Variants in TDRD1 observed in about 807,000 individuals in gnomAD.
TDRD1 encodes tudor domain-containing protein 1.
In TDRD1, 37 loss-of-function variants were observed where a neutral mutation model predicts 140.6. The observed-to-expected ratio is 0.26, with a 90% confidence interval of 0.20 to 0.35. The LOEUF is 0.35. Among genes scored for constraint, TDRD1 ranks in the 10% least tolerant of loss-of-function variants. TDRD1 has a pLI of 1.00. For synonymous variants in TDRD1, 506 were observed against 475.7 expected (o/e 1.06, Z -0.83); for missense variants, 1,243 against 1,393.0 (o/e 0.89, Z 1.71).
intron 10 of TDRD1, 44 bp from the exon 11 acceptor site, chr10:114,206,200 G>A (rs368572531): frequency 2.9e-6 from 4 of 1,379,282 alleles, no homozygotes; most frequent in South Asian, 1.2e-5. Context: ...ATAATTCTTT[G>A]TATAGTTTCT....
intron 1 of TDRD1, among the ~76,000 whole-genome samples, chr10:114,184,476 T>C (rs2033359664): frequency 6.6e-6 from 1 of 152,194 alleles, no homozygotes; most frequent in Non-Finnish European, 1.5e-5. Flanking sequence ...CTCAGGAATG[T>C]GTTGCAGGAA....
chr10:114,211,843 G>A lies in TDRD1; in HGVS notation c.1661-23G>A. 2.7e-6 allele frequency: 4 copies of A among 1,497,340 alleles called. No homozygotes were observed. In the African/African-American group the frequency reaches 5.8e-5, roughly 22 times the overall value. The allele number at this position is 1,497,340 out of a possible 1,614,324, so 92.8% of individuals were successfully genotyped here. On this transcript the variant is annotated intron_variant, in intron 13 of 25. Coordinates refer to ENST00000251864, the Ensembl canonical transcript of TDRD1. ...CATCTACAGTGGAAAAATCATTTGA[G>A]ATTGAGTCTCTCCCTTTTTCAGAGG...
At chr10:114,207,836 G>C (rs573692735) in intron 11 of TDRD1, among the ~76,000 whole-genome samples, 1 of 152,180 alleles carries the variant, frequency 6.6e-6, no homozygotes, top group South Asian at 2.1e-4. Flanking sequence ...AAACCACTGA[G>C]CAATATCTTC....
At chr10:114,227,327 A>C (rs2036494010) in intron 23 of TDRD1, 28 bp downstream of exon 23, 2 of 1,469,656 alleles carry the variant, frequency 1.4e-6, no homozygotes, top group East Asian at 4.6e-5. Context: ...TATTAATAAC[A>C]GATGTTAAGT....
At chr10:114,198,105 G>C (rs2034493165) in intron 3 of TDRD1, among the ~76,000 whole-genome samples, 1 of 152,188 alleles carries the variant, frequency 6.6e-6, no homozygotes, top group Non-Finnish European at 1.5e-5. Context: ...GTTGGGTGAG[G>C]ATGGGAGTTC....
chr10:114,211,836 C>A lies in TDRD1; in HGVS notation c.1661-30C>A, dbSNP rs576054868. On this transcript the variant is annotated intron_variant, in intron 13 of 25. Transcript: ENST00000251864. ...TTATTTACATCTACAGTGGAAAAATCATTTGAGATTGAGTCTCTCCCTTTT... is the reference window on the plus strand; with the variant it reads ...TTATTTACATCTACAGTGGAAAAATAATTTGAGATTGAGTCTCTCCCTTTT... 6 of 1,486,524 alleles carry A rather than the reference C, an allele frequency of 4.0e-6. No individual in the cohort carries two copies. In the East Asian group the frequency reaches 1.3e-4, roughly 32 times the overall value. The allele number at this position is 1,486,524 out of a possible 1,614,324, so 92.1% of individuals were successfully genotyped here. A position where few individuals can be genotyped will look rare whatever the true frequency, so the allele number is the denominator to read the frequency against.
Position 114,179,341 on chromosome 10 carries a change from C to G in TDRD1, c.-82C>G, listed in dbSNP as rs866793161. ...AGGGCGCATCCCAGGCGGCAGGGCT[C>G]CCAGCATCGGCAGTCGCCATCACCG... On this transcript the variant is annotated 5_prime_UTR_variant, in exon 1 of 26. Transcript: ENST00000251864. The G allele has an allele frequency of 6.5e-6, 1 of 152,736 alleles. No individual in the cohort carries two copies. Among genetic ancestry groups the G allele is most frequent in the African/African-American group, 2.4e-5 (1 of 41,450 alleles). The allele number at this position is 152,736 out of a possible 1,614,324, so 9.5% of individuals were successfully genotyped here.
intron 14 of TDRD1, among the ~76,000 whole-genome samples, chr10:114,212,267 G>T (rs929572334): frequency 6.6e-6 from 1 of 152,096 alleles, no homozygotes; most frequent in Non-Finnish European, 1.5e-5. Flanking sequence ...ATCTCAGAGG[G>T]CATTACATTT....
intron 11 of TDRD1, 120 bp downstream of exon 11, chr10:114,206,450 C>A: frequency 3.0e-6 from 2 of 659,538 alleles, no homozygotes; most frequent in Admixed American, 2.8e-5. Context: ...ATCCTATGAG[C>A]AATTTAAATA....
chr10:114,203,607 T>A, intron 8 of TDRD1, 40 bp downstream of exon 8: 1 of 1,551,188 alleles, frequency 6.4e-7, no homozygotes, highest in Non-Finnish European at 8.7e-7. Context: ...ACGTTTGAGC[T>A]AACTTTGGTC....
At chr10:114,229,636 C>T (rs1331594657) in intron 25 of TDRD1, among the ~76,000 whole-genome samples, 2 of 149,102 alleles carry the variant, frequency 1.3e-5, no homozygotes, top group African/African-American at 4.9e-5. Flanking sequence ...GCAAGCTCCA[C>T]CTCCCAGGTT....
At chr10:114,196,167 C>T (rs987443264) in intron 3 of TDRD1, among the ~76,000 whole-genome samples, 2 of 152,184 alleles carry the variant, frequency 1.3e-5, no homozygotes, top group South Asian at 2.1e-4. Flanking sequence ...TATTGGGTCT[C>T]GAACTCCTGA....
chr10:114,188,388 A>G (rs912518736), intron 2 of TDRD1, among the ~76,000 whole-genome samples: 1 of 152,206 alleles, frequency 6.6e-6, no homozygotes, highest in African/African-American at 2.4e-5. Flanking sequence ...TTTTCCCCAC[A>G]GAGGACTATA....
chr10:114,206,457 A>G (rs2035108658), intron 11 of TDRD1, 127 bp downstream of exon 11: 1 of 633,728 alleles, frequency 1.6e-6, no homozygotes, highest in Non-Finnish European at 2.7e-6. Context: ...GAGCAATTTA[A>G]ATACGCTGTT....
In TDRD1 at chr10:114,222,527, A is replaced by G. The variant is rs2036204060; in HGVS notation, c.2891-60A>G. ...TTGATTAGACTTGCCATTCTTTTGT[A>G]TAGTGTTAATAGTAGCACTGGAAAT... On this transcript the variant is annotated intron_variant, in intron 20 of 25. Transcript: ENST00000251864. 8.8e-6 allele frequency: 8 copies of G among 909,694 alleles called. No individual in the cohort carries two copies. In the East Asian group the frequency reaches 9.9e-5, roughly 11 times the overall value. The allele number at this position is 909,694 out of a possible 1,614,324, so 56.4% of individuals were successfully genotyped here.
At chr10:114,231,541 T>G (rs775675730) in exon 26 of TDRD1, 10 of 1,576,372 alleles carry the variant, frequency 6.3e-6, no homozygotes, top group Non-Finnish European at 7.7e-6. Context: ...AAAGGCTAGC[T>G]TTAGGAGAGA....
At position 114,187,922 on chromosome 10, in the gene TDRD1, A is replaced by T. The variant is rs910414280; in HGVS notation, c.91A>T (p.Asn31Tyr). 4.3e-6 allele frequency: 7 copies of T among 1,613,150 alleles called. No individual in the cohort carries two copies. The highest frequency in any genetic ancestry group is 5.9e-6 in the Non-Finnish European group (7 of 1,179,828). The change falls in exon 2 of 26, where the codon AAT (asparagine) becomes TAT (tyrosine). Residue 31 changes from asparagine to tyrosine, a missense_variant. Physicochemically the swap from Asn to Tyr is moderately radical, Grantham distance 143. Transcript: ENST00000251864. ...GACAGAGCCATTTAATTTTGAGAAA[A>T]ATGAAAACAAGCTTCCACCACATGA... is the stretch of plus-strand genomic sequence containing the variant.
chr10:114,175,954 C>G (rs910340619), upstream of TDRD1, among the ~76,000 whole-genome samples: 18 of 152,044 alleles, frequency 1.2e-4, no homozygotes, highest in African/African-American at 4.1e-4. Flanking sequence ...GAATGTCAAT[C>G]AAATAGTCAA....
At chr10:114,209,233 A>G (rs145393628) in intron 11 of TDRD1, among the ~76,000 whole-genome samples, 67 of 152,308 alleles carry the variant, frequency 4.4e-4, no homozygotes, top group Admixed American at 5.9e-4. Context: ...CTCTTAAAAA[A>G]ACAATAACTC....
Sources: gnomAD v4.1 joint callset for allele counts (sites outside exome capture counted in the v4.1 genomes callset) on GRCh38, gnomAD v4.1.1 for gene constraint, MANE v1.5 for transcripts, NCBI Gene and HGNC (gene_info 2026-07-23, HGNC 2026-07-21) for gene names.